Variants in RAB38 observed in about 807,000 individuals in gnomAD.
RAB38 encodes the protein RAB38, member RAS oncogene family.
Under a neutral mutation model 18.4 loss-of-function variants are expected in RAB38, and 15 were observed. The observed-to-expected ratio is 0.82, with a 90% CI of 0.55 to 1.26. RAB38 has a LOEUF of 1.26. Among genes scored for constraint, RAB38 ranks in the 50% most tolerant of loss-of-function variants. The pLI, the probability that RAB38 is intolerant of heterozygous loss-of-function variation, is 0.00. For missense variants in RAB38, 294 were observed against 267.4 expected (o/e 1.10, Z -0.69); for synonymous variants, 101 against 104.4 (o/e 0.97, Z 0.20).
chr11:87,854,896 G>A, the RAB38 span, among the ~76,000 whole-genome samples: 2 of 152,068 alleles, frequency 1.3e-5, no homozygotes, highest in African/African-American at 2.4e-5. Context: ...CCAGGTTCAT[G>A]CCATTCTCCT....
intron 2 of RAB38, among the ~76,000 whole-genome samples, chr11:88,131,156 T>C (rs1488084446): frequency 2.0e-5 from 3 of 152,184 alleles, no homozygotes; most frequent in Admixed American, 2.0e-4. Flanking sequence ...ATGAACATCC[T>C]TATAATATGG....
At chr11:88,071,537 C>T in the RAB38 span, among the ~76,000 whole-genome samples, 7 of 152,104 alleles carry the variant, frequency 4.6e-5, no homozygotes, top group Non-Finnish European at 1.0e-4. Flanking sequence ...CTAAGACACA[C>T]CACAAATTAA....
intron 2 of RAB38, among the ~76,000 whole-genome samples, chr11:88,139,347 A>T (rs1236468809): frequency 1.3e-5 from 2 of 152,288 alleles, no homozygotes; most frequent in African/African-American, 4.8e-5. Flanking sequence ...TATTCTTGGC[A>T]ACCCAGATTA....
At chr11:87,948,472 C>G in the RAB38 span, among the ~76,000 whole-genome samples, 4 of 151,650 alleles carry the variant, frequency 2.6e-5, no homozygotes, top group Admixed American at 6.6e-5. Context: ...CTGTCTTGTG[C>G]CAGTTTTCAA....
the RAB38 span, among the ~76,000 whole-genome samples, chr11:87,946,671 G>C: frequency 2.0e-5 from 3 of 152,042 alleles, no homozygotes; most frequent in African/African-American, 4.8e-5. Flanking sequence ...ATAGTTTGCT[G>C]AGAATGATGG....
the RAB38 span, among the ~76,000 whole-genome samples, chr11:87,893,080 T>G: frequency 6.6e-6 from 1 of 151,564 alleles, no homozygotes; most frequent in African/African-American, 2.4e-5. Flanking sequence ...AATTGTTGTT[T>G]CCACGATGTT....
chr11:87,909,222 T>C, the RAB38 span, among the ~76,000 whole-genome samples: 1 of 152,216 alleles, frequency 6.6e-6, no homozygotes, highest in South Asian at 2.1e-4. Flanking sequence ...TCTCTTTTCA[T>C]TTAGCTACTT....
chr11:87,977,963 A>T, the RAB38 span, among the ~76,000 whole-genome samples: 2 of 113,086 alleles, frequency 1.8e-5, no homozygotes, highest in Admixed American at 1.1e-4. Context: ...ATATATAAAT[A>T]AGATATATTA....
the RAB38 span, among the ~76,000 whole-genome samples, chr11:88,091,095 G>A: frequency 4.7e-3 from 708 of 152,076 alleles, 3 homozygotes; most frequent in African/African-American, 0.016. Context: ...GGGTGACAAG[G>A]ACAGGCTTCA....
At chr11:88,160,371 CTT>C (rs764861503) in intron 1 of RAB38, among the ~76,000 whole-genome samples, 2 of 152,128 alleles carry the variant, frequency 1.3e-5, no homozygotes, top group African/African-American at 2.4e-5. Context: ...TGCATATACA[CTT>C]TTAGTGGGAA....
the RAB38 span, among the ~76,000 whole-genome samples, chr11:87,899,174 T>C: frequency 1.3e-5 from 2 of 151,636 alleles, no homozygotes; most frequent in Admixed American, 6.6e-5. Flanking sequence ...TTATGAAGAA[T>C]GCAGTCCAGA....
In RAB38 at chr11:88,124,392, T is replaced by A. The variant is rs536681268; in HGVS notation, c.484-10252A>T. 4.1e-4 allele frequency among the ~76,000 whole-genome samples: 63 copies of A among 152,034 alleles called. 1 individual carries two copies. The South Asian group carries it at 8.7e-3, about 21-fold the overall frequency. On this transcript the variant is annotated intron_variant, in intron 2 of 2. Transcript: ENST00000243662. ...CTACTCTTCTGACAAAAGGCTAATATCCAGAATCTACAAAGAACTCAAACA... is the reference window on the plus strand; with the variant it reads ...CTACTCTTCTGACAAAAGGCTAATAACCAGAATCTACAAAGAACTCAAACA...
chr11:87,875,263 A>G, the RAB38 span, among the ~76,000 whole-genome samples: 2 of 151,576 alleles, frequency 1.3e-5, no homozygotes, highest in South Asian at 4.1e-4. Context: ...TATACAATAT[A>G]TAAAACATTA....
At chr11:87,965,365 C>G in the RAB38 span, among the ~76,000 whole-genome samples, 1 of 152,016 alleles carries the variant, frequency 6.6e-6, no homozygotes, top group Non-Finnish European at 1.5e-5. Flanking sequence ...ATTCTCCACT[C>G]TGGAGATTGC....
At chr11:88,023,876 C>T in the RAB38 span, among the ~76,000 whole-genome samples, 2 of 152,094 alleles carry the variant, frequency 1.3e-5, no homozygotes, top group Admixed American at 6.5e-5. Flanking sequence ...ATATCTCTCA[C>T]CTTATACAAA....
At chr11:88,091,903 C>T in the RAB38 span, among the ~76,000 whole-genome samples, 1 of 151,974 alleles carries the variant, frequency 6.6e-6, no homozygotes, top group East Asian at 2.0e-4. Flanking sequence ...GGTAAACCCA[C>T]TTTCAATTAC....
the RAB38 span, among the ~76,000 whole-genome samples, chr11:87,936,144 A>G: frequency 6.6e-6 from 1 of 152,052 alleles, no homozygotes; most frequent in South Asian, 2.1e-4. Context: ...AAAAATATTC[A>G]TGAAGTCCAA....
the RAB38 span, among the ~76,000 whole-genome samples, chr11:88,030,576 T>A: frequency 2.0e-5 from 3 of 152,166 alleles, no homozygotes; most frequent in Non-Finnish European, 2.9e-5. Context: ...AAATACAAAC[T>A]ACCATCAGAG....
the RAB38 span, among the ~76,000 whole-genome samples, chr11:87,964,640 C>T: frequency 1.3e-5 from 2 of 152,004 alleles, no homozygotes; most frequent in African/African-American, 2.4e-5. Context: ...ATACATCTTG[C>T]ATATGGTATT....
Sources: allele counts gnomAD v4.1 joint callset (sites outside exome capture counted in the v4.1 genomes callset), GRCh38; gene constraint gnomAD v4.1.1; transcripts MANE v1.5; gene names NCBI Gene and HGNC (gene_info 2026-07-23, HGNC 2026-07-21).